The following DECR1 variants were observed in gnomAD, a reference collection of about 807,000 sequenced individuals.
DECR1 encodes 2,4-dienoyl-CoA reductase [(3E)-enoyl-CoA-producing], mitochondrial.
In DECR1, 44 loss-of-function variants were observed where a neutral mutation model predicts 38.8. That is an observed-to-expected ratio of 1.13 (90% CI 0.89 to 1.46). The LOEUF is 1.46. Ranked by LOEUF, DECR1 falls within the 40% of genes most tolerant of loss-of-function variation. The pLI is 0.00. For missense variants in DECR1, 428 were observed against 405.5 expected (o/e 1.06, Z -0.48); for synonymous variants, 148 against 135.2 (o/e 1.09, Z -0.66).
intron 8 of DECR1, among the ~76,000 whole-genome samples, chr8:90,048,976 AC>A (rs780305058): frequency 6.6e-6 from 1 of 152,240 alleles, no homozygotes; most frequent in Non-Finnish European, 1.5e-5. Flanking sequence ...AAGGCCTTCG[AC>A]AAAATTCAAC....
In DECR1 at chr8:90,036,910, C is replaced by T; in HGVS notation, c.635C>T (p.Ser212Phe). 1.9e-6 allele frequency: 3 copies of T among 1,613,366 alleles called. No homozygotes were observed. The highest frequency in any genetic ancestry group is 2.5e-6 in the Non-Finnish European group (3 of 1,179,622). ...TCAGGTTTTGTAGTACCAAGTGCTTCTGCCAAAGCAGGTGTGGAAGCCATG... is the reference window on the plus strand; with the variant it reads ...TCAGGTTTTGTAGTACCAAGTGCTTTTGCCAAAGCAGGTGTGGAAGCCATG... ...TGSGFVVPSA[S>F]AKAGVEAMSK... The change falls in exon 6 of 10, where the codon TCT becomes TTT. Residue 212 changes from serine (S) to phenylalanine (F), a missense_variant. Coordinates refer to ENST00000220764, the MANE Select transcript of DECR1 (RefSeq NM_001359.2).
Position 90,051,820 on chromosome 8 carries a change from A to G in DECR1, c.949-18A>G. The G allele has an allele frequency of 6.2e-7, 1 of 1,613,664 alleles. No homozygotes were observed. The highest frequency in any genetic ancestry group is 1.3e-5 in the African/African-American group (1 of 75,014). ...AACATGTAAAAAGGACATTAAATTGACATCTTTTTTGTGTTAGGTCACCAA... is the reference window on the plus strand; with the variant it reads ...AACATGTAAAAAGGACATTAAATTGGCATCTTTTTTGTGTTAGGTCACCAA... On this transcript the variant is annotated intron_variant, in intron 9 of 9. Coordinates refer to ENST00000220764, the MANE Select transcript of DECR1 (RefSeq NM_001359.2).
chr8:90,020,897 T>G lies in DECR1; in HGVS notation c.418-12T>G. 1 of 1,522,288 alleles carries G rather than the reference T, an allele frequency of 6.6e-7. No homozygotes were observed. The highest frequency in any genetic ancestry group is 8.8e-7 in the Non-Finnish European group (1 of 1,140,746). The allele number at this position is 1,522,288 out of a possible 1,614,324, so 94.3% of individuals were successfully genotyped here. Reference sequence around the variant, plus strand: ...TCTAAAGTTTCTGTAACTTGCCTTGTTCATTTATTAGATTGTGATAAACAA... The same window carrying G: ...TCTAAAGTTTCTGTAACTTGCCTTGGTCATTTATTAGATTGTGATAAACAA... On this transcript the variant is annotated splice_polypyrimidine_tract_variant and intron_variant, in intron 4 of 9. Transcript: ENST00000220764.
intron 5 of DECR1, among the ~76,000 whole-genome samples, chr8:90,026,369 G>C (rs540789509): frequency 1.3e-5 from 2 of 152,154 alleles, no homozygotes; most frequent in Middle Eastern, 3.4e-3. Flanking sequence ...TTTTTTGGTT[G>C]GTAGGCTTTT....
chr8:90,037,344 C>A (rs1490129609), intron 6 of DECR1, among the ~76,000 whole-genome samples: 1 of 152,056 alleles, frequency 6.6e-6, no homozygotes. Context: ...CTCATAAGCA[C>A]ACGTTTATTC....
In DECR1 at chr8:90,018,922, T is replaced by C. The variant is rs1813077822; in HGVS notation, c.286T>C (p.Leu96=). ...CVIASRKMDV[L]KATAEQISSQ... The stretch of plus-strand genomic sequence containing the variant: ...GTTTATTTCTAGGAAGATGGATGTT[T>C]TGAAAGCTACCGCAGAACAAATTTC... Residue 96 remains leucine (L), a synonymous_variant, in exon 3 of 10, where the codon TTG becomes CTG. Transcript: ENST00000220764. The C allele has an allele frequency of 2.5e-6, 4 of 1,592,048 alleles. No homozygotes were observed. Among genetic ancestry groups the C allele is most frequent in the African/African-American group, 1.3e-5 (1 of 74,166 alleles).
At chr8:90,002,154 G>GT (rs1485324808) in intron 1 of DECR1, among the ~76,000 whole-genome samples, 1 of 152,188 alleles carries the variant, frequency 6.6e-6, no homozygotes, top group South Asian at 2.1e-4. Context: ...GTAGAAAGAG[G>GT]TAGGGAAGGA....
intron 6 of DECR1, among the ~76,000 whole-genome samples, chr8:90,041,014 G>C (rs1813748451): frequency 6.6e-6 from 1 of 152,154 alleles, no homozygotes; most frequent in African/African-American, 2.4e-5. Flanking sequence ...GGGTCAAATG[G>C]TATTTCTAGT....
chr8:90,019,125 G>A lies in DECR1; in HGVS notation c.370G>A (p.Val124Ile), dbSNP rs774900035. ...IQCDVRDPDMVQNTVSELIKV... is the reference protein window; with the variant it reads ...IQCDVRDPDMIQNTVSELIKV... ...GTGTGATGTGAGGGATCCTGATATG[G>A]TTCAAAACACTGTGTCAGAACTGAT... Residue 124 changes from valine to isoleucine, a missense_variant, in exon 4 of 10, where the codon GTT becomes ATT. Val to Ile is a conservative substitution (Grantham distance 29). Coordinates refer to ENST00000220764, the MANE Select transcript of DECR1 (RefSeq NM_001359.2). 1.0e-4 allele frequency: 161 copies of A among 1,614,040 alleles called. No homozygotes were observed. The highest frequency in any genetic ancestry group is 1.3e-4 in the Non-Finnish European group (154 of 1,180,038).
At position 90,018,918 on chromosome 8, in the gene DECR1, T is replaced by C. The variant is rs1586143966; in HGVS notation, c.282T>C (p.Asp94=). 1 of 1,590,494 alleles carries C rather than the reference T, an allele frequency of 6.3e-7. No homozygotes were observed. Residue 94 remains aspartate, a synonymous_variant, in exon 3 of 10, where the codon GAT becomes GAC. Coordinates refer to ENST00000220764, the MANE Select transcript of DECR1 (RefSeq NM_001359.2). ...AGGTGTTTATTTCTAGGAAGATGGATGTTTTGAAAGCTACCGCAGAACAAA... is the reference window on the plus strand; with the variant it reads ...AGGTGTTTATTTCTAGGAAGATGGACGTTTTGAAAGCTACCGCAGAACAAA... ...AQCVIASRKM[D]VLKATAEQIS... is the part of the protein sequence containing the mutation.
At chr8:90,040,513 T>C (rs1324156208) in intron 6 of DECR1, among the ~76,000 whole-genome samples, 3 of 152,324 alleles carry the variant, frequency 2.0e-5, no homozygotes, top group Admixed American at 1.3e-4. Context: ...CTGGGATACA[T>C]GTGCAGAATG....
Position 90,001,545 on chromosome 8 carries a change from G to T in DECR1, c.53G>T (p.Gly18Val), listed in dbSNP as rs781613500. 5.6e-6 allele frequency: 9 copies of T among 1,613,694 alleles called. No homozygotes were observed. Among genetic ancestry groups the T allele is most frequent in the Non-Finnish European group, 6.8e-6 (8 of 1,179,774 alleles). Residue 18 changes from glycine (G) to valine (V), a missense_variant, in exon 1 of 10, where the codon GGC (glycine) becomes GTC (valine). Transcript: ENST00000220764. Reference protein sequence around the residue: ...FFTLGSRLPCGLAPRRFFSYG... With the variant: ...FFTLGSRLPCVLAPRRFFSYG... Reference sequence around the variant, plus strand: ...ACTCTGGGGTCCCGGCTGCCCTGTGGCCTCGCTCCTCGGAGGGTAAGGCGG... The same window carrying T: ...ACTCTGGGGTCCCGGCTGCCCTGTGTCCTCGCTCCTCGGAGGGTAAGGCGG...
rs1813145559 is a variant in DECR1, at chr8:90,021,019, A to G, written c.528A>G (p.Thr176=). ...DIVLNGTAFV[T]LEIGKQLIKA... is the part of the protein sequence containing the mutation. The stretch of plus-strand genomic sequence containing the variant: ...TTCTAAATGGCACAGCCTTCGTGAC[A>G]CTAGAAATTGGAAAACAACTAATTA... The change falls in exon 5 of 10, where the codon ACA becomes ACG. Residue 176 remains threonine, a synonymous_variant. Transcript: ENST00000220764. 1 of 1,592,574 alleles carries G rather than the reference A, an allele frequency of 6.3e-7. No homozygotes were observed. The highest frequency in any genetic ancestry group is 8.5e-7 in the Non-Finnish European group (1 of 1,173,368).
chr8:90,024,738 T>C (rs531039375), intron 5 of DECR1, among the ~76,000 whole-genome samples: 11 of 152,344 alleles, frequency 7.2e-5, no homozygotes, highest in African/African-American at 2.2e-4. Context: ...ATCCCGTTTG[T>C]CTATTTTGGC....
At chr8:90,003,098 G>T (rs1812656456) in intron 1 of DECR1, 1 of 152,178 alleles carries the variant, frequency 6.6e-6, no homozygotes, top group Non-Finnish European at 1.5e-5. Flanking sequence ...AGGGTTGGGA[G>T]GCAAGAGAGG....
At chr8:90,015,264 A>C (rs1812980770) in intron 1 of DECR1, among the ~76,000 whole-genome samples, 1 of 152,156 alleles carries the variant, frequency 6.6e-6, no homozygotes, top group African/African-American at 2.4e-5. Context: ...TTAAGTCTTT[A>C]TTCCCTATTA....
At chr8:90,040,457 AT>A (rs1479220761) in intron 6 of DECR1, among the ~76,000 whole-genome samples, 1 of 152,178 alleles carries the variant, frequency 6.6e-6, no homozygotes, top group Non-Finnish European at 1.5e-5. Context: ...CGGATGTCTG[AT>A]AGTTTCATAG....
At chr8:90,011,625 G>A (rs1398956165) in intron 1 of DECR1, among the ~76,000 whole-genome samples, 1 of 152,100 alleles carries the variant, frequency 6.6e-6, no homozygotes, top group African/African-American at 2.4e-5. Context: ...ATTTCTTAAT[G>A]ATGTTTCATA....
In DECR1 at chr8:90,019,174, T is replaced by C; in HGVS notation, c.417+2T>C. On this transcript the variant is annotated splice_donor_variant, in intron 4 of 9. Coordinates refer to ENST00000220764, the MANE Select transcript of DECR1 (RefSeq NM_001359.2). LOFTEE classifies it high-confidence loss of function. ...ATCAAAGTTGCAGGACATCCTAATG[T>C]AAGTGTAGCAATGATGAAGCCAAAG... The C allele has an allele frequency of 6.2e-7, 1 of 1,613,270 alleles. No homozygotes were observed. Among genetic ancestry groups the C allele is most frequent in the South Asian group, 1.1e-5 (1 of 91,038 alleles).
Sources: gnomAD v4.1 joint callset for allele counts (sites outside exome capture counted in the v4.1 genomes callset) on GRCh38, gnomAD v4.1.1 for gene constraint, MANE v1.5 for transcripts, NCBI Gene and HGNC (gene_info 2026-07-23, HGNC 2026-07-21) for gene names.